ARHGAP24: variants seen among roughly 807,000 people sequenced by gnomAD.
ARHGAP24 encodes the protein Rho GTPase activating protein 24, also known as rho GTPase-activating protein 24.
Under a neutral mutation model 76.4 loss-of-function variants are expected in ARHGAP24, and 50 were observed. The observed-to-expected ratio is 0.65, with a 90% CI of 0.52 to 0.83. The LOEUF (loss-of-function observed/expected upper bound fraction) is 0.83, where lower values mean the gene tolerates loss of function less well. Among genes scored for constraint, ARHGAP24 ranks in the 40% least tolerant of loss-of-function variants. ARHGAP24 has a pLI of 0.00. For synonymous variants in ARHGAP24, 345 were observed against 323.3 expected (o/e 1.07, Z -0.72); for missense variants, 930 against 914.2 (o/e 1.02, Z -0.22).
intron 2 of ARHGAP24, among the ~76,000 whole-genome samples, chr4:85,620,727 A>T (rs1252386316): frequency 2.0e-5 from 3 of 151,750 alleles, no homozygotes; most frequent in Non-Finnish European, 2.9e-5. Flanking sequence ...TAGTTCATTA[A>T]GGTACAATCT....
chr4:85,979,494 C>T (rs534007633), intron 8 of ARHGAP24, among the ~76,000 whole-genome samples: 11 of 152,118 alleles, frequency 7.2e-5, no homozygotes, highest in African/African-American at 1.2e-4. Context: ...CCCTTTCCCT[C>T]TCCCCCAGGC....
chr4:85,545,194 G>A (rs1195880087), intron 1 of ARHGAP24, among the ~76,000 whole-genome samples: 3 of 151,972 alleles, frequency 2.0e-5, no homozygotes, highest in African/African-American at 7.3e-5. Flanking sequence ...CCGCCTCGTG[G>A]GTTCAAGCGA....
intron 3 of ARHGAP24, among the ~76,000 whole-genome samples, chr4:85,824,983 G>T (rs1382902164): frequency 6.6e-6 from 1 of 152,052 alleles, no homozygotes; most frequent in Admixed American, 6.5e-5. Flanking sequence ...CCAGCTACTA[G>T]GGAGGCTGAG....
chr4:85,719,387 G>A (rs1724847746), intron 2 of ARHGAP24, among the ~76,000 whole-genome samples: 1 of 152,126 alleles, frequency 6.6e-6, no homozygotes, highest in Non-Finnish European at 1.5e-5. Flanking sequence ...TGGGGGGAGA[G>A]GAATACTTCT....
At chr4:85,627,920 T>C (rs1287292523) in intron 2 of ARHGAP24, among the ~76,000 whole-genome samples, 3 of 152,074 alleles carry the variant, frequency 2.0e-5, no homozygotes, top group Non-Finnish European at 2.9e-5. Flanking sequence ...TTTAAGCCCA[T>C]TGGAAAAGCG....
chr4:85,581,246 A>G (rs1727597839), intron 2 of ARHGAP24, among the ~76,000 whole-genome samples: 1 of 152,118 alleles, frequency 6.6e-6, no homozygotes, highest in Non-Finnish European at 1.5e-5. Context: ...CTTATGATAA[A>G]TTATTTCTCT....
intron 2 of ARHGAP24, among the ~76,000 whole-genome samples, chr4:85,704,343 T>C (rs1245861078): frequency 5.9e-5 from 9 of 152,208 alleles, no homozygotes; most frequent in Admixed American, 5.2e-4. Context: ...CCTCAACTTT[T>C]CTAAAAATGC....
chr4:85,743,491 C>CCAGAA (rs1377829221), intron 3 of ARHGAP24, among the ~76,000 whole-genome samples: 1 of 148,950 alleles, frequency 6.7e-6, no homozygotes, highest in Admixed American at 6.8e-5. Context: ...TCACTTGAGC[C>CCAGAA]CAGAAGGCTG....
intron 2 of ARHGAP24, among the ~76,000 whole-genome samples, chr4:85,687,758 C>A (rs1723480736): frequency 1.3e-5 from 2 of 151,434 alleles, no homozygotes; most frequent in East Asian, 1.9e-4. Context: ...AGAATTATTT[C>A]TTTTCCTTTG....
chr4:85,694,914 T>C (rs1453511635), intron 2 of ARHGAP24, among the ~76,000 whole-genome samples: 1 of 152,232 alleles, frequency 6.6e-6, no homozygotes, highest in Non-Finnish European at 1.5e-5. Context: ...CCACATGCCA[T>C]ACCTGAGTTA....
chr4:85,848,906 C>T (rs998414808), intron 3 of ARHGAP24, among the ~76,000 whole-genome samples: 29 of 152,112 alleles, frequency 1.9e-4, no homozygotes, highest in African/African-American at 6.5e-4. Context: ...GTTCTTTTTG[C>T]GTAGGACTGT....
intron 3 of ARHGAP24, among the ~76,000 whole-genome samples, chr4:85,813,196 T>C (rs532882593): frequency 1.3e-5 from 2 of 152,272 alleles, no homozygotes; most frequent in African/African-American, 4.8e-5. Context: ...CACAACAGAA[T>C]AGTAACTACC....
intron 2 of ARHGAP24, among the ~76,000 whole-genome samples, chr4:85,718,003 G>A (rs71599423): frequency 0.15 from 22,932 of 151,996 alleles, 2,387 homozygotes; most frequent in East Asian, 0.55. Flanking sequence ...TGCTTCTTTG[G>A]TTAATTTAGA....
chr4:85,876,001 C>T (rs952117294), intron 3 of ARHGAP24, among the ~76,000 whole-genome samples: 53 of 151,990 alleles, frequency 3.5e-4, no homozygotes, highest in African/African-American at 1.0e-3. Context: ...CCTCAGCCTC[C>T]GAAAGTGCTG....
chr4:85,778,919 T>G (rs906161530), intron 3 of ARHGAP24: 2 of 985,042 alleles, frequency 2.0e-6, no homozygotes, highest in Admixed American at 6.2e-5. Context: ...TAAACAAGAG[T>G]CGGCACTGGG....
intron 3 of ARHGAP24, among the ~76,000 whole-genome samples, chr4:85,873,553 C>A (rs1417572676): frequency 6.6e-6 from 1 of 152,242 alleles, no homozygotes; most frequent in East Asian, 1.9e-4. Flanking sequence ...AGAGGCAGAA[C>A]CATCTAGCTA....
At chr4:85,707,230 A>G (rs570951134) in intron 2 of ARHGAP24, among the ~76,000 whole-genome samples, 2 of 152,260 alleles carry the variant, frequency 1.3e-5, no homozygotes, top group South Asian at 4.2e-4. Flanking sequence ...ATAGTACTTT[A>G]AATTCAGATT....
chr4:85,492,955 ATCTGGGTAG>A (rs1344464137), intron 1 of ARHGAP24, among the ~76,000 whole-genome samples: 1 of 152,162 alleles, frequency 6.6e-6, no homozygotes, highest in Non-Finnish European at 1.5e-5. Context: ...GTTTCCTCCA[ATCTGGGTAG>A]TCTTTCCGTA....
intron 3 of ARHGAP24, among the ~76,000 whole-genome samples, chr4:85,781,140 A>G (rs1345354400): frequency 6.6e-6 from 1 of 152,258 alleles, no homozygotes; most frequent in East Asian, 1.9e-4. Flanking sequence ...TATGCTTAAG[A>G]AAACAATGAA....
Sources: allele counts gnomAD v4.1 joint callset (sites outside exome capture counted in the v4.1 genomes callset), GRCh38; gene constraint gnomAD v4.1.1; transcripts MANE v1.5; gene names NCBI Gene and HGNC (gene_info 2026-07-23, HGNC 2026-07-21).